The following PREX2 variants were observed in gnomAD, a reference collection of about 807,000 sequenced individuals.
The protein encoded by PREX2 is phosphatidylinositol-3,4,5-trisphosphate dependent Rac exchange factor 2.
PREX2 carries 107 observed loss-of-function variants against 203.2 expected under a neutral mutation model. The ratio of observed to expected loss-of-function variants is 0.53; its 90% CI spans 0.45 to 0.62. The LOEUF (loss-of-function observed/expected upper bound fraction) is 0.62, where lower values mean the gene tolerates loss of function less well. PREX2 is among the 20% of genes least tolerant of loss of function. The pLI is 0.00. For synonymous variants in PREX2, 672 were observed against 663.6 expected (o/e 1.01, Z -0.19); for missense variants, 1,777 against 1,955.9 (o/e 0.91, Z 1.72).
At chr8:68,099,226 C>A (rs967057304) in intron 22 of PREX2, among the ~76,000 whole-genome samples, 1 of 151,832 alleles carries the variant, frequency 6.6e-6, no homozygotes, top group Non-Finnish European at 1.5e-5. Context: ...CAAATATATT[C>A]TTTTTGCACT....
At chr8:68,143,468 C>G (rs1316213248) in intron 33 of PREX2, among the ~76,000 whole-genome samples, 2 of 152,140 alleles carry the variant, frequency 1.3e-5, no homozygotes, top group Non-Finnish European at 2.9e-5. Flanking sequence ...GCCTGCAGAA[C>G]CATGAACCAA....
intron 1 of PREX2, among the ~76,000 whole-genome samples, chr8:68,004,146 T>C (rs939640182): frequency 2.6e-5 from 4 of 152,136 alleles, no homozygotes; most frequent in Non-Finnish European, 4.4e-5. Context: ...CTGAGTCAAG[T>C]GAGGATTAAA....
At chr8:68,134,304 C>T in intron 32 of PREX2, 28 bp downstream of exon 32, 1 of 1,512,842 alleles carries the variant, frequency 6.6e-7, no homozygotes, top group South Asian at 1.1e-5. Flanking sequence ...CTCCCACTGT[C>T]TGTGTCAACT....
At chr8:67,993,513 T>G (rs764628911) in intron 1 of PREX2, among the ~76,000 whole-genome samples, 17 of 151,686 alleles carry the variant, frequency 1.1e-4, no homozygotes, top group Non-Finnish European at 2.4e-4. Flanking sequence ...CTCAAGCAAT[T>G]CTCCTGCCTC....
rs1805357029 is a variant in PREX2 at position 67,952,139 on chromosome 8, G to C, written c.-256G>C. 6.1e-6 allele frequency: 2 copies of C among 329,038 alleles called. No homozygotes were observed. Among genetic ancestry groups the C allele is most frequent in the Admixed American group, 1.0e-4 (2 of 19,878 alleles). The allele number at this position is 329,038 out of a possible 1,614,324, so 20.4% of individuals were successfully genotyped here. ...TGAGGCCAGAGCAGCGGGGCCGGGCGCGCAGGGCCTGGCCGGAGCCCCCAC... is the reference window on the plus strand; with the variant it reads ...TGAGGCCAGAGCAGCGGGGCCGGGCCCGCAGGGCCTGGCCGGAGCCCCCAC... On this transcript the variant is annotated 5_prime_UTR_variant, in exon 1 of 40. Coordinates refer to ENST00000288368, the MANE Select transcript of PREX2 (RefSeq NM_024870.4).
chr8:68,212,924 T>C lies in PREX2; in HGVS notation c.4605-4692T>C, dbSNP rs117243336. Among the ~76,000 whole-genome samples, 105 of 152,294 alleles carry C rather than the reference T, an allele frequency of 6.9e-4. 1 individual carries two copies. The highest frequency in any genetic ancestry group is 1.3e-3 in the Non-Finnish European group (88 of 68,012). ...TTTGAGAGAATATGCCACAGAGTAG[T>C]TTCTGGCTGTATACAGTTCCAACCT... On this transcript the variant is annotated intron_variant, in intron 37 of 39. Coordinates refer to ENST00000288368, the MANE Select transcript of PREX2 (RefSeq NM_024870.4).
chr8:68,126,352 A>G (rs1178758417), intron 30 of PREX2, among the ~76,000 whole-genome samples: 2 of 152,134 alleles, frequency 1.3e-5, no homozygotes, highest in Non-Finnish European at 1.5e-5. Context: ...TCTCACTTAT[A>G]TTTTACACAG....
At position 68,061,879 on chromosome 8, in the gene PREX2, A is replaced by G. The variant is rs1808866715; in HGVS notation, c.1339+1100A>G. Among the ~76,000 whole-genome samples, 6 of 152,288 alleles carry G rather than the reference A, an allele frequency of 3.9e-5. No individual in the cohort carries two copies. The South Asian group carries it at 1.0e-3, about 26-fold the overall frequency. Reference sequence around the variant, plus strand: ...ACTGACAATGAACAGACAGACAAAAACCAAGAAAGCAGTGTTAATGGGACT... The same window carrying G: ...ACTGACAATGAACAGACAGACAAAAGCCAAGAAAGCAGTGTTAATGGGACT... On this transcript the variant is annotated intron_variant, in intron 11 of 39. Coordinates refer to ENST00000288368, the MANE Select transcript of PREX2 (RefSeq NM_024870.4).
intron 35 of PREX2, among the ~76,000 whole-genome samples, chr8:68,164,377 C>CAT (rs1356372068): frequency 4.0e-5 from 6 of 151,140 alleles, no homozygotes; most frequent in Admixed American, 1.3e-4. Flanking sequence ...CACACACACA[C>CAT]ATATATATAC....
chr8:68,071,909 C>T (rs758815879), intron 13 of PREX2, among the ~76,000 whole-genome samples: 2 of 152,080 alleles, frequency 1.3e-5, no homozygotes, highest in Admixed American at 1.3e-4. Flanking sequence ...CATTTCTTTA[C>T]TCTACAGATT....
At position 68,044,475 on chromosome 8, in the gene PREX2, T is replaced by A. The variant is rs568532546; in HGVS notation, c.840-12T>A. 3.6e-5 allele frequency: 57 copies of A among 1,580,706 alleles called. No homozygotes were observed. In the Middle Eastern group the frequency reaches 5.0e-4, roughly 14 times the overall value. ...TAGTAACAAAGTCTTTGTGATTTAA[T>A]TCCATCTTAAGACGGTTGAAGAACA... On this transcript the variant is annotated splice_polypyrimidine_tract_variant and intron_variant, in intron 7 of 39. Coordinates refer to ENST00000288368, the MANE Select transcript of PREX2 (RefSeq NM_024870.4).
intron 1 of PREX2, among the ~76,000 whole-genome samples, chr8:67,998,431 T>A (rs1013079078): frequency 1.3e-5 from 2 of 152,046 alleles, no homozygotes; most frequent in Non-Finnish European, 2.9e-5. Flanking sequence ...TAAGCTTGGC[T>A]TATATCTAGG....
At chr8:68,099,532 A>G (rs1418601095) in intron 22 of PREX2, 150 bp from the exon 23 acceptor site, 2 of 685,912 alleles carry the variant, frequency 2.9e-6, no homozygotes, top group Non-Finnish European at 4.7e-6. Context: ...CCAGAGAACA[A>G]AATAGGAAAG....
At chr8:68,168,450 A>G (rs1767079917) in intron 35 of PREX2, among the ~76,000 whole-genome samples, 1 of 152,234 alleles carries the variant, frequency 6.6e-6, no homozygotes, top group South Asian at 2.1e-4. Context: ...TTCTCCTAAG[A>G]AAACATTTTA....
chr8:68,013,775 A>G (rs1333534323), intron 1 of PREX2, among the ~76,000 whole-genome samples: 1 of 152,146 alleles, frequency 6.6e-6, no homozygotes, highest in East Asian at 1.9e-4. Flanking sequence ...TATACAATTT[A>G]CCTATCTGTA....
chr8:68,165,227 A>G (rs1811738038), intron 35 of PREX2, among the ~76,000 whole-genome samples: 1 of 152,114 alleles, frequency 6.6e-6, no homozygotes, highest in African/African-American at 2.4e-5. Flanking sequence ...GTCTTGGTTT[A>G]AAGAAAATGG....
At position 68,203,124 on chromosome 8, in the gene PREX2, T is replaced by C. The variant is rs951228250; in HGVS notation, c.4604+10599T>C. Reference sequence around the variant, plus strand: ...GGACAGCTCAATCATTCTAATCAAATGCCACACTACATGGTTTTCCCTCTC... The same window carrying C: ...GGACAGCTCAATCATTCTAATCAAACGCCACACTACATGGTTTTCCCTCTC... On this transcript the variant is annotated intron_variant, in intron 37 of 39. Transcript: ENST00000288368. 2.0e-5 allele frequency among the ~76,000 whole-genome samples: 3 copies of C among 152,120 alleles called. No homozygotes were observed. In the East Asian group the frequency reaches 5.8e-4, roughly 29 times the overall value.
intron 34 of PREX2, among the ~76,000 whole-genome samples, chr8:68,149,882 C>G (rs901511213): frequency 6.6e-6 from 1 of 152,176 alleles, no homozygotes; most frequent in African/African-American, 2.4e-5. Context: ...AATTATCCAG[C>G]TAATCTTTAT....
At chr8:68,080,893 A>T in intron 17 of PREX2, 55 bp downstream of exon 17, 1 of 1,001,188 alleles carries the variant, frequency 1.0e-6, no homozygotes, top group South Asian at 1.4e-5. Flanking sequence ...AAAAATAGAG[A>T]AATTCTAAAC....
Sources: gnomAD v4.1 joint callset for allele counts (sites outside exome capture counted in the v4.1 genomes callset) on GRCh38, gnomAD v4.1.1 for gene constraint, MANE v1.5 for transcripts, NCBI Gene and HGNC (gene_info 2026-07-23, HGNC 2026-07-21) for gene names.